RASSF3: variants seen among roughly 807,000 people sequenced by gnomAD.
RASSF3 encodes the protein Ras association domain family member 3.
In RASSF3, 19 loss-of-function variants were observed where a neutral mutation model predicts 19.9. The ratio of observed to expected loss-of-function variants is 0.96; its 90% CI spans 0.67 to 1.40. RASSF3 has a LOEUF of 1.40. RASSF3 is among the 40% of genes most tolerant of loss of function. RASSF3 has a pLI of 0.00. For synonymous variants in RASSF3, 110 were observed against 104.2 expected (o/e 1.06, Z -0.34); for missense variants, 306 against 289.8 (o/e 1.06, Z -0.41).
At chr12:64,578,392 G>A (rs1463143617) in intron 2 of RASSF3, among the ~76,000 whole-genome samples, 4 of 152,204 alleles carry the variant, frequency 2.6e-5, no homozygotes, top group African/African-American at 9.6e-5. Context: ...GGTGGCTCCT[G>A]CCTGTAATCC....
At chr12:64,529,855 C>G (rs762364983), upstream of RASSF3, among the ~76,000 whole-genome samples, 1 of 152,126 alleles carries the variant, frequency 6.6e-6, no homozygotes, top group Admixed American at 6.5e-5. Flanking sequence ...ATTACTATGA[C>G]AAACAGAAGA....
At chr12:64,578,902 T>C (rs767311975) in intron 2 of RASSF3, among the ~76,000 whole-genome samples, 1 of 152,162 alleles carries the variant, frequency 6.6e-6, no homozygotes, top group Non-Finnish European at 1.5e-5. Context: ...CCCAGCACTT[T>C]AGGAAGCCGA....
chr12:64,568,679 C>A (rs56264181), intron 2 of RASSF3, among the ~76,000 whole-genome samples: 1 of 151,678 alleles, frequency 6.6e-6, no homozygotes, highest in Non-Finnish European at 1.5e-5. Flanking sequence ...CCCACCAACC[C>A]CAGCCCTAAG....
chr12:64,557,323 A>T (rs1315166860), intron 2 of RASSF3, among the ~76,000 whole-genome samples: 1 of 152,132 alleles, frequency 6.6e-6, no homozygotes, highest in East Asian at 1.9e-4. Context: ...AGTACCGGGA[A>T]GTGCCCAACT....
At chr12:64,548,813 G>A (rs1362310981) in intron 2 of RASSF3, among the ~76,000 whole-genome samples, 1 of 152,174 alleles carries the variant, frequency 6.6e-6, no homozygotes, top group Non-Finnish European at 1.5e-5. Context: ...AAAGGGCTTA[G>A]TGCTTTAAGA....
intron 2 of RASSF3, among the ~76,000 whole-genome samples, chr12:64,574,986 T>C (rs1472479389): frequency 6.6e-6 from 1 of 152,242 alleles, no homozygotes; most frequent in Non-Finnish European, 1.5e-5. Context: ...AAAGCTTTCC[T>C]CTGAAACTGG....
chr12:64,547,693 A>G (rs1869092049), intron 2 of RASSF3, among the ~76,000 whole-genome samples: 1 of 152,254 alleles, frequency 6.6e-6, no homozygotes, highest in African/African-American at 2.4e-5. Context: ...GAAAGCTGGT[A>G]TTCAGTTTCT....
At chr12:64,688,476 A>G in intron 3 of RASSF3, 23 bp downstream of exon 3, 1 of 1,535,732 alleles carries the variant, frequency 6.5e-7, no homozygotes, top group Non-Finnish European at 9.0e-7. Context: ...CTTAAAAGGA[A>G]AATGGTCTGT....
intron 1 of RASSF3, among the ~76,000 whole-genome samples, chr12:64,657,091 C>T (rs1565862914): frequency 6.6e-6 from 1 of 151,514 alleles, no homozygotes. Flanking sequence ...CTCACTACAG[C>T]CTCCATCAAC....
At chr12:64,541,954 T>G (rs1283948786), downstream of RASSF3, among the ~76,000 whole-genome samples, 1 of 152,210 alleles carries the variant, frequency 6.6e-6, no homozygotes, top group Non-Finnish European at 1.5e-5. Flanking sequence ...TCATAAGATA[T>G]GAGGCTTTCA....
At chr12:64,646,799 T>G in intron 1 of RASSF3, among the ~76,000 whole-genome samples, 1 of 152,054 alleles carries the variant, frequency 6.6e-6, no homozygotes, top group South Asian at 2.1e-4. Context: ...ATAATATGCC[T>G]GTGTGTACAT....
intron 1 of RASSF3, among the ~76,000 whole-genome samples, chr12:64,651,673 T>G (rs1215956975): frequency 6.6e-6 from 1 of 151,788 alleles, no homozygotes; most frequent in African/African-American, 2.4e-5. Flanking sequence ...TGTTGTTGTT[T>G]TTGTTTGTTG....
chr12:64,598,567 T>C (rs535270677), intron 2 of RASSF3, among the ~76,000 whole-genome samples: 211 of 152,274 alleles, frequency 1.4e-3, no homozygotes, highest in African/African-American at 4.9e-3. Flanking sequence ...ATATGGACAA[T>C]TTATGCAGCC....
chr12:64,567,172 T>A (rs1043941981), intron 2 of RASSF3, among the ~76,000 whole-genome samples: 1 of 152,168 alleles, frequency 6.6e-6, no homozygotes, highest in Admixed American at 6.5e-5. Flanking sequence ...ACCACACCAA[T>A]GCCCCGTGGG....
At chr12:64,532,193 T>C (rs564278077), upstream of RASSF3, among the ~76,000 whole-genome samples, 1 of 152,286 alleles carries the variant, frequency 6.6e-6, no homozygotes, top group South Asian at 2.1e-4. Context: ...CAGGATGGAT[T>C]GCCGACTGCG....
At chr12:64,657,497 A>G (rs2136195466) in intron 1 of RASSF3, among the ~76,000 whole-genome samples, 1 of 152,368 alleles carries the variant, frequency 6.6e-6, no homozygotes, top group Middle Eastern at 3.4e-3. Flanking sequence ...CACTTTGATG[A>G]AAAGAAAGGG....
intron 2 of RASSF3, among the ~76,000 whole-genome samples, chr12:64,588,666 A>C (rs1869857679): frequency 6.6e-6 from 1 of 152,176 alleles, no homozygotes; most frequent in Non-Finnish European, 1.5e-5. Flanking sequence ...ATTCATAAAC[A>C]ATATGGTATA....
intron 2 of RASSF3, among the ~76,000 whole-genome samples, chr12:64,584,332 G>A (rs1869755486): frequency 6.6e-6 from 1 of 152,018 alleles, no homozygotes; most frequent in African/African-American, 2.4e-5. Context: ...TTTGCCCAGA[G>A]GGGAAGAGGG....
intron 1 of RASSF3, among the ~76,000 whole-genome samples, chr12:64,515,172 T>G (rs1363262120): frequency 3.3e-5 from 5 of 152,182 alleles, no homozygotes; most frequent in African/African-American, 1.2e-4. Flanking sequence ...TTCTCCTGCC[T>G]CAGCCTCCCG....
Sources: allele counts gnomAD v4.1 joint callset (sites outside exome capture counted in the v4.1 genomes callset), GRCh38; gene constraint gnomAD v4.1.1; transcripts MANE v1.5; gene names NCBI Gene and HGNC (gene_info 2026-07-23, HGNC 2026-07-21).